The following CA5A variants were observed in gnomAD, a reference collection of about 807,000 sequenced individuals.
CA5A encodes carbonic anhydrase 5A, also known as carbonic anhydrase 5A, mitochondrial.
In CA5A, 28 loss-of-function variants were observed where a neutral mutation model predicts 37.1. The observed-to-expected ratio is 0.75, with a 90% CI of 0.56 to 1.03. The LOEUF (loss-of-function observed/expected upper bound fraction) is 1.03. CA5A is among the 50% of genes least tolerant of loss of function. The pLI is 0.00. For synonymous variants in CA5A, 171 were observed against 158.4 expected, an observed-to-expected ratio of 1.08 and a Z score of -0.60; for missense variants, 444 against 399.9, an observed-to-expected ratio of 1.11 and a Z score of -0.94.
At chr16:87,890,454 G>T (rs1416142261) in intron 6 of CA5A, among the ~76,000 whole-genome samples, 1 of 152,188 alleles carries the variant, frequency 6.6e-6, no homozygotes, top group East Asian at 1.9e-4. Context: ...GGAAAGAGAT[G>T]AGCCAGAGAT....
In CA5A at chr16:87,888,392, A is replaced by G. The variant is rs2055668080; in HGVS notation, c.775-120T>C. 5 of 852,684 alleles carry G rather than the reference A, an allele frequency of 5.9e-6. No homozygotes were observed. In the South Asian group the frequency reaches 7.3e-5, roughly 12 times the overall value. 52.8% of individuals were successfully genotyped at this position (852,684 alleles called of 1,614,324 possible). A position where few individuals can be genotyped will look rare whatever the true frequency, so the allele number is the denominator to read the frequency against. On this transcript the variant is annotated intron_variant, in intron 6 of 6. Coordinates refer to ENST00000649794, the MANE Select transcript of CA5A (RefSeq NM_001739.2). ...TGAATCAGGATGGCCCGAAATGATCAATAAATATGGTGGAAGTGATGGTGT... is the reference window on the plus strand; with the variant it reads ...TGAATCAGGATGGCCCGAAATGATCGATAAATATGGTGGAAGTGATGGTGT...
intron 2 of CA5A, among the ~76,000 whole-genome samples, chr16:87,921,075 G>T (rs1199467221): frequency 6.6e-6 from 1 of 152,132 alleles, no homozygotes; most frequent in African/African-American, 2.4e-5. Flanking sequence ...TTACAGGCGT[G>T]AGCCACTGCA....
At chr16:87,899,868 C>T (rs1370567972) in intron 5 of CA5A, among the ~76,000 whole-genome samples, 1 of 134,548 alleles carries the variant, frequency 7.4e-6, no homozygotes, top group East Asian at 2.2e-4. Context: ...TGCAGTGAGC[C>T]GAGGTCGCAC....
At chr16:87,891,570 T>C (rs765968176) in intron 6 of CA5A, among the ~76,000 whole-genome samples, 7 of 152,166 alleles carry the variant, frequency 4.6e-5, no homozygotes, top group Admixed American at 2.0e-4. Context: ...CTGTGTGTGA[T>C]AGATTAGGGC....
chr16:87,896,194 T>C (rs1287937626), intron 5 of CA5A, among the ~76,000 whole-genome samples: 1 of 152,230 alleles, frequency 6.6e-6, no homozygotes, highest in African/African-American at 2.4e-5. Context: ...TCAGGGCCAC[T>C]GAGGCCTGGC....
chr16:87,888,949 C>T (rs111895550), intron 6 of CA5A, among the ~76,000 whole-genome samples: 4 of 139,440 alleles, frequency 2.9e-5, no homozygotes, highest in African/African-American at 8.0e-5. Context: ...GATGGAGTTT[C>T]GCTCCTGTTG....
At chr16:87,920,507 A>G (rs1469654289) in intron 2 of CA5A, among the ~76,000 whole-genome samples, 1 of 151,738 alleles carries the variant, frequency 6.6e-6, no homozygotes, top group Non-Finnish European at 1.5e-5. Flanking sequence ...ACGGGGTTTC[A>G]CCATGTTGGC....
chr16:87,900,642 C>T (rs892532163), intron 5 of CA5A, among the ~76,000 whole-genome samples: 2 of 152,246 alleles, frequency 1.3e-5, no homozygotes, highest in African/African-American at 2.4e-5. Context: ...TGGAGAAAGG[C>T]GACACTGTTG....
intron 5 of CA5A, among the ~76,000 whole-genome samples, chr16:87,898,575 T>A (rs540538342): frequency 8.6e-4 from 131 of 152,290 alleles, no homozygotes; most frequent in African/African-American, 3.1e-3. Context: ...TGGATTTTCG[T>A]TTCGTGACGG....
chr16:87,916,244 G>T (rs1284635036), intron 2 of CA5A, among the ~76,000 whole-genome samples: 1 of 152,134 alleles, frequency 6.6e-6, no homozygotes, highest in Non-Finnish European at 1.5e-5. Flanking sequence ...ACTTTGGGAG[G>T]CTGAGGTGGG....
At chr16:87,908,046 G>A (rs1410948499) in intron 2 of CA5A, among the ~76,000 whole-genome samples, 1 of 152,222 alleles carries the variant, frequency 6.6e-6, no homozygotes, top group Non-Finnish European at 1.5e-5. Flanking sequence ...TGGGATGAAT[G>A]AATACAGGAA....
intron 2 of CA5A, 126 bp from the exon 3 acceptor site, chr16:87,905,030 G>T (rs1380540945): frequency 4.2e-5 from 30 of 708,812 alleles, no homozygotes; most frequent in Non-Finnish European, 7.3e-5. Context: ...TATGGTTGAA[G>T]TGACAAGCCA....
rs568582047 is a variant in CA5A at position 87,918,239 on chromosome 16, C to G, written c.340+8509G>C. ...TGCCAAGTGCTTCACACAGCCCTGC[C>G]CAATGAGCTGGGCCCTCCCGCACCT... On this transcript the variant is annotated intron_variant, in intron 2 of 6. Transcript: ENST00000649794. Among the ~76,000 whole-genome samples, 20 of 152,342 alleles carry G rather than the reference C, an allele frequency of 1.3e-4. No homozygotes were observed. The East Asian group carries it at 3.9e-3, about 29-fold the overall frequency.
chr16:87,928,322 C>G lies in CA5A; in HGVS notation c.143-1377G>C, dbSNP rs537910492. Among the ~76,000 whole-genome samples, 9 of 152,250 alleles carry G rather than the reference C, an allele frequency of 5.9e-5. No homozygotes were observed. The South Asian group carries it at 1.7e-3, about 28-fold the overall frequency. On this transcript the variant is annotated intron_variant, in intron 1 of 6. Transcript: ENST00000649794. ...GGGACTGCAGGTAAACACCACCATG[C>G]CTGGCTAACTTTTTCATTTTTTGTA...
intron 2 of CA5A, among the ~76,000 whole-genome samples, chr16:87,908,282 C>T (rs1351891842): frequency 6.6e-6 from 1 of 152,192 alleles, no homozygotes; most frequent in Non-Finnish European, 1.5e-5. Flanking sequence ...CCTCTCTGAG[C>T]CTAAGCCTCT....
At chr16:87,924,490 A>G (rs2056274923) in intron 2 of CA5A, among the ~76,000 whole-genome samples, 1 of 152,196 alleles carries the variant, frequency 6.6e-6, no homozygotes, top group Non-Finnish European at 1.5e-5. Flanking sequence ...TCTACTCTCC[A>G]TGGGGTGCCT....
intron 2 of CA5A, among the ~76,000 whole-genome samples, chr16:87,914,202 T>C (rs1385922849): frequency 2.0e-5 from 3 of 152,226 alleles, no homozygotes; most frequent in Middle Eastern, 3.2e-3. Context: ...TTGTTGCCTG[T>C]GGCTTTGCAG....
At chr16:87,916,999 G>T (rs2056153914) in intron 2 of CA5A, among the ~76,000 whole-genome samples, 1 of 151,874 alleles carries the variant, frequency 6.6e-6, no homozygotes. Context: ...CAGTTACTCG[G>T]GAGGCTGAGG....
At chr16:87,925,425 C>T (rs2056291762) in intron 2 of CA5A, 3 of 152,276 alleles carry the variant, frequency 2.0e-5, no homozygotes, top group African/African-American at 4.8e-5. Flanking sequence ...ACCAGTGTGA[C>T]GTGTTCTGTA....
Sources: gnomAD v4.1 joint callset for allele counts (sites outside exome capture counted in the v4.1 genomes callset) on GRCh38, gnomAD v4.1.1 for gene constraint, MANE v1.5 for transcripts, NCBI Gene and HGNC (gene_info 2026-07-23, HGNC 2026-07-21) for gene names.